GOLGA3: variants seen among roughly 807,000 people sequenced by gnomAD.
GOLGA3 encodes the protein golgin subfamily A member 3.
In GOLGA3, 75 loss-of-function variants were observed where a neutral mutation model predicts 169.4. The observed-to-expected ratio is 0.44, with a 90% CI of 0.37 to 0.54. GOLGA3 has a LOEUF of 0.54. Among genes scored for constraint, GOLGA3 ranks in the 20% least tolerant of loss-of-function variants. The pLI is 0.00. For synonymous variants in GOLGA3, 824 were observed against 822.4 expected, an observed-to-expected ratio of 1.00 and a Z score of -0.03; for missense variants, 1,899 against 1,930.0, an observed-to-expected ratio of 0.98 and a Z score of 0.30.
intron 1 of GOLGA3, among the ~76,000 whole-genome samples, chr12:132,824,375 A>T (rs1339356953): frequency 1.3e-5 from 2 of 152,210 alleles, no homozygotes; most frequent in African/African-American, 4.8e-5. Flanking sequence ...AGAGACAGTT[A>T]TGAGTTCATA....
chr12:132,796,635 C>T lies in GOLGA3; in HGVS notation c.2004G>A (p.Glu668=). The T allele has an allele frequency of 1.9e-6, 3 of 1,614,064 alleles. No individual in the cohort carries two copies. Among genetic ancestry groups the T allele is most frequent in the Non-Finnish European group, 2.5e-6 (3 of 1,179,934 alleles). Residue 668 remains glutamate, a synonymous_variant, in exon 10 of 24, where the codon GAG becomes GAA. Transcript: ENST00000450791. The part of the protein sequence containing the change: ...QIQEAKTMVE[E]DLQRRLEEFE... Reference sequence around the variant, plus strand: ...ACTCTTCCAGCCTCCTCTGAAGGTCCTCCTCCACCATCGTCTTTGCCTCCT... The same window carrying T: ...ACTCTTCCAGCCTCCTCTGAAGGTCTTCCTCCACCATCGTCTTTGCCTCCT...
chr12:132,825,643 A>G (rs187359474), intron 1 of GOLGA3: 71 of 761,524 alleles, frequency 9.3e-5, no homozygotes, highest in African/African-American at 3.8e-4. Flanking sequence ...TTCAGTTCCA[A>G]TGAGGGAGTC....
At chr12:132,773,445 T>TACG in intron 23 of GOLGA3, 151 bp from the exon 24 acceptor site, 1 of 414,652 alleles carries the variant, frequency 2.4e-6, no homozygotes, top group Non-Finnish European at 4.2e-6. Context: ...GCTCAGCTGT[T>TACG]CTCAGCACCG....
At chr12:132,782,571 T>C (rs1039044401) in intron 16 of GOLGA3, 78 bp from the exon 17 acceptor site, 35 of 1,206,444 alleles carry the variant, frequency 2.9e-5, no homozygotes, top group Admixed American at 8.6e-5. Flanking sequence ...AGGTGAGTTT[T>C]CAACAAGAAA....
chr12:132,822,298 T>C lies in GOLGA3; in HGVS notation c.-170A>G. ...ACAAATGACTTGATGTCAAACCAGCTAATATCATGATACCTGACAGGAGAG... is the reference window on the plus strand; with the variant it reads ...ACAAATGACTTGATGTCAAACCAGCCAATATCATGATACCTGACAGGAGAG... On this transcript the variant is annotated 5_prime_UTR_variant, in exon 2 of 24. Transcript: ENST00000450791. 1 of 1,364,250 alleles carries C rather than the reference T, an allele frequency of 7.3e-7. No homozygotes were observed. Among genetic ancestry groups the C allele is most frequent in the East Asian group, 3.1e-5 (1 of 32,262 alleles). 84.5% of individuals were successfully genotyped at this position (1,364,250 alleles called of 1,614,324 possible). A position where few individuals can be genotyped will look rare whatever the true frequency, so the allele number is the denominator to read the frequency against.
In GOLGA3 at chr12:132,777,643, G is replaced by C. The variant is rs369967349; in HGVS notation, c.3722+23C>G. 2.4e-5 allele frequency: 39 copies of C among 1,612,876 alleles called. No individual in the cohort carries two copies. Among genetic ancestry groups the C allele is most frequent in the Admixed American group, 1.7e-4 (10 of 59,958 alleles). ...ATTGCCAGGACAGCCATGTTTGAGG[G>C]CTGGCGGGGCCCAGGCACTCACTGA... is the stretch of plus-strand genomic sequence containing the variant. On this transcript the variant is annotated intron_variant, in intron 19 of 23. Coordinates refer to ENST00000450791, the MANE Select transcript of GOLGA3 (RefSeq NM_001389683.1). This position sits in a 1 kb window ranked among gnomAD's most constrained non-coding sequence, Gnocchi z 4.7.
At chr12:132,783,513 GGC>G (rs796645253) in intron 16 of GOLGA3, among the ~76,000 whole-genome samples, 3 of 149,192 alleles carry the variant, frequency 2.0e-5, no homozygotes, top group Non-Finnish European at 3.0e-5. Context: ...GGGAGTGGGG[GGC>G]GCCGGGACAC....
intron 3 of GOLGA3, among the ~76,000 whole-genome samples, chr12:132,813,937 G>C (rs1057200429): frequency 1.3e-5 from 2 of 151,740 alleles, no homozygotes; most frequent in African/African-American, 4.8e-5. Flanking sequence ...TGTTAGTCAG[G>C]ATGGTCTCGA....
At chr12:132,798,602 C>T in intron 8 of GOLGA3, 125 bp from the exon 9 acceptor site, 2 of 716,412 alleles carry the variant, frequency 2.8e-6, no homozygotes, top group South Asian at 3.7e-5. Flanking sequence ...CCACGCAAGC[C>T]CCACTACCCA....
intron 8 of GOLGA3, among the ~76,000 whole-genome samples, chr12:132,801,467 G>A (rs548820642): frequency 2.6e-5 from 4 of 152,100 alleles, no homozygotes; most frequent in Admixed American, 6.6e-5. Flanking sequence ...GGAGGGTCCC[G>A]AGACCCAGGC....
Position 132,777,238 on chromosome 12 carries a change from A to C in GOLGA3, c.3723-148T>G. On this transcript the variant is annotated intron_variant, in intron 19 of 23. Coordinates refer to ENST00000450791, the MANE Select transcript of GOLGA3 (RefSeq NM_001389683.1). This position sits in a 1 kb window ranked among gnomAD's most constrained non-coding sequence, Gnocchi z 4.7. ...TGCTGCAGCCATGCTTGGTGCCCACAGTGTGCACTCGGGCAGTCCTCACGA... is the reference window on the plus strand; with the variant it reads ...TGCTGCAGCCATGCTTGGTGCCCACCGTGTGCACTCGGGCAGTCCTCACGA... 1 of 802,516 alleles carries C rather than the reference A, an allele frequency of 1.2e-6. No individual in the cohort carries two copies. Among genetic ancestry groups the C allele is most frequent in the Non-Finnish European group, 1.9e-6 (1 of 517,828 alleles). The allele number at this position is 802,516 out of a possible 1,614,324, so 49.7% of individuals were successfully genotyped here.
intron 6 of GOLGA3, 21 bp downstream of exon 6, chr12:132,807,156 T>A (rs1949447714): frequency 1.4e-6 from 2 of 1,443,104 alleles, no homozygotes. Flanking sequence ...CACGCTGAGA[T>A]GTCAGTCGAA....
At chr12:132,803,083 CAA>C (rs528448142) in intron 7 of GOLGA3, among the ~76,000 whole-genome samples, 88,446 of 140,330 alleles carry the variant, frequency 0.63, 26,034 homozygotes, top group East Asian at 0.74. Flanking sequence ...ACAACAACAA[CAA>C]AACAACAAAA....
chr12:132,791,969 G>A (rs1045829450), intron 11 of GOLGA3, among the ~76,000 whole-genome samples: 4 of 140,840 alleles, frequency 2.8e-5, no homozygotes, highest in East Asian at 4.2e-4. Context: ...GAATGTGTCT[G>A]CACAGATGTT....
At position 132,773,174 on chromosome 12, in the gene GOLGA3, G is replaced by A. The variant is rs755439620; in HGVS notation, c.4428C>T (p.His1476=). The A allele has an allele frequency of 1.7e-5, 27 of 1,585,752 alleles. No individual in the cohort carries two copies. The highest frequency in any genetic ancestry group is 3.4e-5 in the South Asian group (3 of 87,620). ...TCTGTGGGTCGCCGCGTGGGCCGGC[G>A]TGACCCCCCGGGGGCACAGGGCTGG... ...ATASPVPPGG[H]AGPRGDPQRH... Residue 1476 remains histidine, a synonymous_variant, in exon 24 of 24, where the codon CAC becomes CAT. Coordinates refer to ENST00000450791, the MANE Select transcript of GOLGA3 (RefSeq NM_001389683.1).
chr12:132,808,616 T>C (rs912259568), intron 4 of GOLGA3, 67 bp from the exon 5 acceptor site: 2 of 1,253,416 alleles, frequency 1.6e-6, no homozygotes, highest in Non-Finnish European at 2.2e-6. Context: ...AAAACTGCCA[T>C]TCAGAAAGGT....
chr12:132,786,874 A>C, intron 13 of GOLGA3, 87 bp from the exon 14 acceptor site: 4 of 905,786 alleles, frequency 4.4e-6, no homozygotes, highest in Non-Finnish European at 7.3e-6. Flanking sequence ...ACCCCCACCA[A>C]AGGCACTGCT....
intron 15 of GOLGA3, among the ~76,000 whole-genome samples, chr12:132,785,700 A>G (rs1351034801): frequency 6.6e-6 from 1 of 152,202 alleles, no homozygotes; most frequent in Non-Finnish European, 1.5e-5. Flanking sequence ...GAAACAAACC[A>G]CATATAAGAA....
rs757057558 is a variant in GOLGA3, at chr12:132,786,499, G to A, written c.2963C>T (p.Ala988Val). Residue 988 changes from alanine (A) to valine (V), a missense_variant, in exon 15 of 24, where the codon GCC becomes GTC. Coordinates refer to ENST00000450791, the MANE Select transcript of GOLGA3 (RefSeq NM_001389683.1). The stretch of plus-strand genomic sequence containing the variant: ...ATGTTTGGTCTTCATCTCCTTCTGG[G>A]CGCTGGTCAAGTCTGAGCCCAGCCG... ...MRRLGSDLTS[A>V]QKEMKTKHKA... 16 of 1,613,482 alleles carry A rather than the reference G, an allele frequency of 9.9e-6. No homozygotes were observed. Among genetic ancestry groups the A allele is most frequent in the Middle Eastern group, 1.6e-4 (1 of 6,084 alleles).
Sources: gnomAD v4.1 joint callset for allele counts (sites outside exome capture counted in the v4.1 genomes callset) on GRCh38, gnomAD v4.1.1 for gene constraint, Gnocchi (gnomAD v3.1) non-coding constraint, MANE v1.5 for transcripts, NCBI Gene and HGNC (gene_info 2026-07-23, HGNC 2026-07-21) for gene names.